KCNK9: variants seen among roughly 807,000 people sequenced by gnomAD.
The protein encoded by KCNK9 is potassium channel subfamily K member 9.
In KCNK9, 1 loss-of-function variant was observed where a neutral mutation model predicts 10.8. That is an observed-to-expected ratio of 0.09 (90% CI 0.03 to 0.44). The LOEUF (loss-of-function observed/expected upper bound fraction) is 0.44. Ranked by LOEUF, KCNK9 falls within the 20% of genes least tolerant of loss-of-function variation. The probability of loss-of-function intolerance (pLI) is 0.97; values close to 1 mark genes in which losing one functional copy is unlikely to be tolerated. For missense variants in KCNK9, 303 were observed against 515.0 expected (o/e 0.59, Z 3.98); for synonymous variants, 231 against 222.7 (o/e 1.04, Z -0.33).
intron 1 of KCNK9, among the ~76,000 whole-genome samples, chr8:139,630,382 C>T (rs1313529511): frequency 6.6e-6 from 1 of 152,156 alleles, no homozygotes; most frequent in Non-Finnish European, 1.5e-5. Flanking sequence ...CTGCAGAGTC[C>T]TGGGCTCTGC....
chr8:139,662,274 G>A (rs1328910792), intron 1 of KCNK9, among the ~76,000 whole-genome samples: 3 of 152,174 alleles, frequency 2.0e-5, no homozygotes, highest in African/African-American at 7.2e-5. Context: ...CCTGCCCAGG[G>A]CTCTGCAAGT....
At chr8:139,620,439 C>T (rs574605059) in intron 1 of KCNK9, among the ~76,000 whole-genome samples, 2 of 152,286 alleles carry the variant, frequency 1.3e-5, no homozygotes, top group East Asian at 3.9e-4. Flanking sequence ...TTGTATGGAT[C>T]CGCCGAGATC....
chr8:139,653,808 C>T (rs980669131), intron 1 of KCNK9, among the ~76,000 whole-genome samples: 11 of 152,242 alleles, frequency 7.2e-5, no homozygotes, highest in Non-Finnish European at 1.6e-4. Flanking sequence ...GAGGCCCACG[C>T]GGAGCTCACT....
intron 1 of KCNK9, among the ~76,000 whole-genome samples, chr8:139,637,786 A>ACACACACACACACACACACACAC (rs1554621349): frequency 1.4e-4 from 9 of 65,234 alleles, no homozygotes; most frequent in Non-Finnish European, 3.1e-4. Flanking sequence ...CACACACACA[A>ACACACACACACACACACACACAC]TAATAGTAAG....
chr8:139,650,351 C>A (rs1045031806), intron 1 of KCNK9, among the ~76,000 whole-genome samples: 3 of 152,198 alleles, frequency 2.0e-5, no homozygotes, highest in Admixed American at 2.0e-4. Context: ...CACATCTCAC[C>A]CTGAACATGC....
intron 1 of KCNK9, among the ~76,000 whole-genome samples, chr8:139,665,585 C>T (rs1251241632): frequency 2.0e-5 from 3 of 152,204 alleles, no homozygotes; most frequent in African/African-American, 4.8e-5. Context: ...CTGTTAGGTG[C>T]CTACCTTGCC....
At chr8:139,681,981 G>C (rs1431701521) in intron 1 of KCNK9, among the ~76,000 whole-genome samples, 1 of 152,168 alleles carries the variant, frequency 6.6e-6, no homozygotes, top group Non-Finnish European at 1.5e-5. Context: ...TGGCACCACG[G>C]GAACCAGACC....
At chr8:139,647,062 G>A (rs1030068446) in intron 1 of KCNK9, among the ~76,000 whole-genome samples, 3 of 152,256 alleles carry the variant, frequency 2.0e-5, no homozygotes, top group Admixed American at 1.3e-4. Flanking sequence ...GACCTCTCCC[G>A]CCCTCTGTTG....
chr8:139,671,946 G>A (rs911589217), intron 1 of KCNK9, among the ~76,000 whole-genome samples: 8 of 152,304 alleles, frequency 5.3e-5, no homozygotes, highest in Middle Eastern at 3.4e-3. Context: ...CATGGGGTCT[G>A]CAGTGCAGTG....
chr8:139,624,406 G>C (rs928670503), intron 1 of KCNK9, among the ~76,000 whole-genome samples: 1 of 152,120 alleles, frequency 6.6e-6, no homozygotes, highest in Non-Finnish European at 1.5e-5. Flanking sequence ...GCATGTTCAG[G>C]GACCCTGGAG....
chr8:139,679,824 G>GTGAT (rs1202964757), intron 1 of KCNK9, among the ~76,000 whole-genome samples: 1 of 152,154 alleles, frequency 6.6e-6, no homozygotes, highest in Non-Finnish European at 1.5e-5. Context: ...TATGTCACCC[G>GTGAT]CCCTTCCTGT....
chr8:139,606,468 C>G (rs1482572959), intron 2 of KCNK9, among the ~76,000 whole-genome samples: 2 of 152,256 alleles, frequency 1.3e-5, no homozygotes, highest in East Asian at 1.9e-4. Context: ...GGTCCATATC[C>G]CCACACCCCA....
At position 139,618,101 on chromosome 8, in the gene KCNK9, G is replaced by T; in HGVS notation, c.*157C>A. 1 of 1,049,964 alleles carries T rather than the reference G, an allele frequency of 9.5e-7. No homozygotes were observed. The allele number at this position is 1,049,964 out of a possible 1,614,324, so 65.0% of individuals were successfully genotyped here. On this transcript the variant is annotated 3_prime_UTR_variant, in exon 2 of 2. Coordinates refer to ENST00000520439, the MANE Select transcript of KCNK9 (RefSeq NM_001282534.2). This position sits in a 1 kb window ranked among gnomAD's most constrained non-coding sequence, Gnocchi z 7.9. ...CTGCTCTGTCTGGCTGGAAAGGTGG[G>T]GGAAAATGAGACCAAGAGACCAAGA...
At chr8:139,691,607 A>C in intron 1 of KCNK9, among the ~76,000 whole-genome samples, 1 of 152,314 alleles carries the variant, frequency 6.6e-6, no homozygotes, top group South Asian at 2.1e-4. Context: ...AGTTAGCCTA[A>C]AGAAAGAAAA....
Position 139,618,467 on chromosome 8 carries a change from C to T in KCNK9, c.916G>A (p.Asp306Asn). Residue 306 changes from aspartate to asparagine, a missense_variant, in exon 2 of 2, where the codon GAC becomes AAC. This residue lies in a region of KCNK9 where 138 missense variants were observed against 161.1 expected (regional missense o/e 0.86). Transcript: ENST00000520439. This position sits in a 1 kb window ranked among gnomAD's most constrained non-coding sequence, Gnocchi z 7.9. Reference sequence around the variant, plus strand: ...GGTGCCACCGAGCGGCCGCCATAGTCCTGCGAGCGGTAGCAGGTGCAGGAG... The same window carrying T: ...GGTGCCACCGAGCGGCCGCCATAGTTCTGCGAGCGGTAGCAGGTGCAGGAG... ...VCSCTCYRSQ[D>N]YGGRSVAPQN... 6.2e-7 allele frequency: 1 copy of T among 1,614,040 alleles called. No individual in the cohort carries two copies. The highest frequency in any genetic ancestry group is 1.3e-5 in the African/African-American group (1 of 75,062).
chr8:139,655,199 G>C lies in KCNK9; in HGVS notation c.284-36100C>G, dbSNP rs529411512. Among the ~76,000 whole-genome samples, 53 of 152,216 alleles carry C rather than the reference G, an allele frequency of 3.5e-4. 1 individual carries two copies. Among genetic ancestry groups the C allele is most frequent in the African/African-American group, 1.2e-3 (51 of 41,520 alleles). On this transcript the variant is annotated intron_variant, in intron 1 of 1. Transcript: ENST00000520439. ...TCAGGCTGCAGACCCCTGTGGCCTC[G>C]GGTTGTCAAGAAGCCTGACAGTCCA...
chr8:139,614,660 C>T (rs984608650), downstream of KCNK9, among the ~76,000 whole-genome samples: 11 of 152,142 alleles, frequency 7.2e-5, no homozygotes, highest in African/African-American at 2.4e-4. Context: ...TTCAGTCCTA[C>T]GTAAAAGAGT....
At chr8:139,674,940 C>G (rs556803929) in intron 1 of KCNK9, among the ~76,000 whole-genome samples, 1 of 152,264 alleles carries the variant, frequency 6.6e-6, no homozygotes, top group East Asian at 1.9e-4. Flanking sequence ...GATCCCCTCT[C>G]CCTACCCCTC....
chr8:139,643,919 C>T (rs923102178), intron 1 of KCNK9, among the ~76,000 whole-genome samples: 25 of 152,256 alleles, frequency 1.6e-4, no homozygotes, highest in African/African-American at 5.8e-4. Context: ...CTTCCCACAC[C>T]TGCCCTGGAA....
Sources: allele counts gnomAD v4.1 joint callset (sites outside exome capture counted in the v4.1 genomes callset), GRCh38; gene constraint gnomAD v4.1.1; regional missense constraint gnomAD v4.1.1; non-coding constraint Gnocchi (gnomAD v3.1); transcripts MANE v1.5; gene names NCBI Gene and HGNC (gene_info 2026-07-23, HGNC 2026-07-21).